Variants in CCDC73 observed in about 807,000 individuals in gnomAD.
CCDC73 encodes the protein coiled-coil domain containing 73, also known as coiled-coil domain-containing protein 73.
A neutral mutation model predicts 116.5 loss-of-function variants in CCDC73; 95 were observed. The ratio of observed to expected loss-of-function variants is 0.82; its 90% confidence interval spans 0.69 to 0.97. The LOEUF (loss-of-function observed/expected upper bound fraction) is 0.97. CCDC73 is among the 50% of genes least tolerant of loss of function. The pLI is 0.00. For synonymous variants in CCDC73, 398 were observed against 401.3 expected, an observed-to-expected ratio of 0.99 and a Z score of 0.10; for missense variants, 1,066 against 1,206.8, an observed-to-expected ratio of 0.88 and a Z score of 1.73.
chr11:32,795,980 G>A (rs138545283), upstream of CCDC73, among the ~76,000 whole-genome samples: 1,486 of 152,142 alleles, frequency 9.8e-3, 18 homozygotes, highest in African/African-American at 0.034. Flanking sequence ...ATGAGCCACC[G>A]CAGCCGGCCC....
intron 2 of CCDC73, among the ~76,000 whole-genome samples, chr11:32,754,549 T>C (rs998374296): frequency 6.6e-6 from 1 of 152,104 alleles, no homozygotes; most frequent in African/African-American, 2.4e-5. Flanking sequence ...TCTAAAAATA[T>C]AGATAAATCC....
chr11:32,772,046 G>A (rs1339006049), intron 1 of CCDC73, among the ~76,000 whole-genome samples: 1 of 152,172 alleles, frequency 6.6e-6, no homozygotes, highest in Non-Finnish European at 1.5e-5. Flanking sequence ...AAACTCAGGT[G>A]CAGTTGCAAC....
At chr11:32,809,542 A>G in the CCDC73 span, among the ~76,000 whole-genome samples, 3 of 152,198 alleles carry the variant, frequency 2.0e-5, no homozygotes, top group African/African-American at 7.2e-5. Flanking sequence ...TGGAGCCTAG[A>G]TAATGTGCCC....
At chr11:32,658,998 A>C (rs1855898499) in intron 9 of CCDC73, among the ~76,000 whole-genome samples, 1 of 152,260 alleles carries the variant, frequency 6.6e-6, no homozygotes, top group Non-Finnish European at 1.5e-5. Context: ...AATAAGAGAC[A>C]GAAAATGTCC....
chr11:32,678,201 C>T (rs1856108913), intron 7 of CCDC73, among the ~76,000 whole-genome samples: 1 of 152,072 alleles, frequency 6.6e-6, no homozygotes, highest in South Asian at 2.1e-4. Context: ...ATCACTTGAA[C>T]CCTGGGGGCA....
intron 14 of CCDC73, among the ~76,000 whole-genome samples, chr11:32,633,968 A>G (rs970128900): frequency 1.3e-5 from 2 of 152,182 alleles, no homozygotes; most frequent in African/African-American, 2.4e-5. Flanking sequence ...CAGGGGTGCT[A>G]TGTTAACTCT....
At chr11:32,824,818 T>C in the CCDC73 span, among the ~76,000 whole-genome samples, 1 of 152,346 alleles carries the variant, frequency 6.6e-6, no homozygotes, top group East Asian at 1.9e-4. Flanking sequence ...GTGCCGTGGC[T>C]CATGCCTGTA....
At chr11:32,755,536 A>ATATATATATATATAT (rs1850325554) in intron 2 of CCDC73, among the ~76,000 whole-genome samples, 14 of 59,914 alleles carry the variant, frequency 2.3e-4, no homozygotes, top group African/African-American at 7.5e-4. Context: ...TCCATCTCAA[A>ATATATATATATATAT]ATATATATAT....
chr11:32,664,465 C>A (rs182793452), intron 9 of CCDC73, among the ~76,000 whole-genome samples: 3 of 152,222 alleles, frequency 2.0e-5, no homozygotes, highest in East Asian at 3.9e-4. Context: ...AGTTTATTTG[C>A]GTAGAGGTGT....
chr11:32,794,552 G>T (rs940904194), intron 1 of CCDC73, 61 bp downstream of exon 1: 1 of 152,286 alleles, frequency 6.6e-6, no homozygotes, highest in Admixed American at 6.5e-5. Context: ...GACCCTGCAT[G>T]AAAAGATTAG....
intron 14 of CCDC73, among the ~76,000 whole-genome samples, chr11:32,619,771 G>A (rs1590547645): frequency 6.6e-6 from 1 of 150,856 alleles, no homozygotes; most frequent in East Asian, 2.0e-4. Context: ...GATGAAGAAG[G>A]AGCAGAAGAA....
Position 32,759,185 on chromosome 11 carries a change from G to GT in CCDC73, c.135+923dup, listed in dbSNP as rs200620163. ...ATATCCTTATTGCAATAGTTTTATGGTTTTTTTTCTCTCGAGAATCTTCCA... is the reference window on the plus strand; with the variant it reads ...ATATCCTTATTGCAATAGTTTTATGGTTTTTTTTTCTCTCGAGAATCTTCCA... On this transcript the variant is annotated intron_variant, in intron 2 of 17. Transcript: ENST00000335185. Among the ~76,000 whole-genome samples the GT allele has an allele frequency of 1.1e-3, 159 of 149,720 alleles. 3 individuals are homozygous for GT. In the East Asian group the frequency reaches 0.019, roughly 17 times the overall value.
chr11:32,656,806 T>C (rs1213392114), intron 9 of CCDC73, among the ~76,000 whole-genome samples: 2 of 152,220 alleles, frequency 1.3e-5, no homozygotes, highest in African/African-American at 4.8e-5. Context: ...GAATCCTGAC[T>C]ACTTAATTTT....
At chr11:32,723,563 G>T (rs1373563990) in intron 2 of CCDC73, among the ~76,000 whole-genome samples, 1 of 152,154 alleles carries the variant, frequency 6.6e-6, no homozygotes, top group Non-Finnish European at 1.5e-5. Context: ...CGTGCCTGGC[G>T]TATGTACCTA....
chr11:32,801,381 G>A, the CCDC73 span, among the ~76,000 whole-genome samples: 125 of 152,252 alleles, frequency 8.2e-4, no homozygotes, highest in East Asian at 1.7e-3. Flanking sequence ...AGTGGCTCAC[G>A]CCTGTAATCC....
At chr11:32,689,322 G>A (rs1856232925) in intron 6 of CCDC73, among the ~76,000 whole-genome samples, 1 of 151,950 alleles carries the variant, frequency 6.6e-6, no homozygotes, top group Non-Finnish European at 1.5e-5. Context: ...ATGCAAAAGA[G>A]CTCTGTAGGA....
intron 7 of CCDC73, chr11:32,682,748 AT>A (rs1272047220): frequency 9.2e-5 from 14 of 152,022 alleles, no homozygotes; most frequent in Non-Finnish European, 1.8e-4. Flanking sequence ...GAAGGGAAAA[AT>A]ATCAAAGTAA....
upstream of CCDC73, among the ~76,000 whole-genome samples, chr11:32,798,892 C>A (rs1267849031): frequency 7.3e-6 from 1 of 137,906 alleles, no homozygotes; most frequent in African/African-American, 2.7e-5. Flanking sequence ...TTGGTTTTTG[C>A]GTTTTTGTTT....
chr11:32,796,185 C>T (rs1394338183), upstream of CCDC73, among the ~76,000 whole-genome samples: 4 of 152,164 alleles, frequency 2.6e-5, no homozygotes, highest in Admixed American at 2.6e-4. Context: ...CAATCACCAT[C>T]TCGTCTGGTA....
Sources: allele counts gnomAD v4.1 joint callset (sites outside exome capture counted in the v4.1 genomes callset), GRCh38; gene constraint gnomAD v4.1.1; transcripts MANE v1.5; gene names NCBI Gene and HGNC (gene_info 2026-07-23, HGNC 2026-07-21).